The following RAD21L1 variants were observed in gnomAD, a reference collection of about 807,000 sequenced individuals.
The protein encoded by RAD21L1 is double-strand-break repair protein rad21-like protein 1.
In RAD21L1, 47 loss-of-function variants were observed where a neutral mutation model predicts 69.0. That is an observed-to-expected ratio of 0.68 (90% confidence interval 0.54 to 0.87). The LOEUF (loss-of-function observed/expected upper bound fraction) is 0.87, where lower values mean the gene tolerates loss of function less well. Among genes scored for constraint, RAD21L1 ranks in the 40% least tolerant of loss-of-function variants. RAD21L1 has a pLI of 0.00. For synonymous variants in RAD21L1, 177 were observed against 205.8 expected, an observed-to-expected ratio of 0.86 and a Z score of 1.20; for missense variants, 583 against 647.6, an observed-to-expected ratio of 0.90 and a Z score of 1.08.
intron 11 of RAD21L1, among the ~76,000 whole-genome samples, chr20:1,244,659 A>G (rs1488348233): frequency 6.6e-6 from 1 of 152,212 alleles, no homozygotes; most frequent in Non-Finnish European, 1.5e-5. Flanking sequence ...ACTTTTTAAG[A>G]TATAATTTTT....
intron 3 of RAD21L1, 145 bp from the exon 4 acceptor site, chr20:1,231,381 G>A (rs2087387933): frequency 1.6e-6 from 1 of 610,976 alleles, no homozygotes; most frequent in East Asian, 3.0e-5. Flanking sequence ...GCTTTATAGA[G>A]AATGGACTAC....
chr20:1,247,670 A>G (rs990678603), intron 12 of RAD21L1, among the ~76,000 whole-genome samples: 1 of 152,170 alleles, frequency 6.6e-6, no homozygotes, highest in Non-Finnish European at 1.5e-5. Flanking sequence ...TTAGCCTCAC[A>G]TGATTTAAAA....
At chr20:1,229,510 G>T (rs898471107) in intron 2 of RAD21L1, among the ~76,000 whole-genome samples, 1 of 151,996 alleles carries the variant, frequency 6.6e-6, no homozygotes, top group Non-Finnish European at 1.5e-5. Flanking sequence ...GCGAGACTCC[G>T]TCTCCAAAAA....
At chr20:1,237,548 C>T (rs949201707) in intron 5 of RAD21L1, among the ~76,000 whole-genome samples, 4 of 149,768 alleles carry the variant, frequency 2.7e-5, no homozygotes, top group East Asian at 1.9e-4. Context: ...ATCACTGCCT[C>T]CTAGCATATT....
chr20:1,250,220 G>A (rs1228891790), intron 13 of RAD21L1, among the ~76,000 whole-genome samples: 8 of 150,818 alleles, frequency 5.3e-5, no homozygotes, highest in Admixed American at 1.3e-4. Flanking sequence ...ATTCCATGGT[G>A]TATATGTGCC....
Position 1,244,094 on chromosome 20 carries a change from C to G in RAD21L1, c.1232C>G (p.Pro411Arg). 1 of 1,549,422 alleles carries G rather than the reference C, an allele frequency of 6.5e-7. No individual in the cohort carries two copies. The change falls in exon 11 of 14, where the codon CCC (proline) becomes CGC (arginine). Residue 411 changes from proline to arginine, a missense_variant. Transcript: ENST00000683101. ...EPNYQQELSK[P>R]QTWKDVIGGS... ...AATTACCAGCAAGAGTTAAGTAAAC[C>G]CCAAACTTGGAAGGATGTGATTGGT... is the stretch of plus-strand genomic sequence containing the variant.
Position 1,238,043 on chromosome 20 carries a change from G to A in RAD21L1, c.476-1G>A. The A allele has an allele frequency of 1.4e-6, 2 of 1,467,332 alleles. No individual in the cohort carries two copies. The highest frequency in any genetic ancestry group is 1.3e-5 in the South Asian group (1 of 75,956). 90.9% of individuals were successfully genotyped at this position (1,467,332 alleles called of 1,614,324 possible). On this transcript the variant is annotated splice_acceptor_variant, in intron 5 of 13. Coordinates refer to ENST00000683101, the MANE Select transcript of RAD21L1 (RefSeq NM_001384355.1). LOFTEE classifies it high-confidence loss of function. Reference sequence around the variant, plus strand: ...AGTATTAATGATATATATTTATTTAGGGGAGGAATCTGAAATTCTCAGAAG... The same window carrying A: ...AGTATTAATGATATATATTTATTTAAGGGAGGAATCTGAAATTCTCAGAAG...
At chr20:1,252,451 T>C (rs1156581974) in intron 13 of RAD21L1, among the ~76,000 whole-genome samples, 2 of 152,162 alleles carry the variant, frequency 1.3e-5, no homozygotes, top group East Asian at 3.9e-4. Context: ...CTAGGAGATA[T>C]AAGCATGATG....
intron 4 of RAD21L1, among the ~76,000 whole-genome samples, chr20:1,233,253 G>T (rs2087428738): frequency 6.6e-6 from 1 of 152,148 alleles, no homozygotes; most frequent in Non-Finnish European, 1.5e-5. Context: ...CAAGTTGTGA[G>T]TGTATAGATG....
At position 1,254,651 on chromosome 20, in the gene RAD21L1, A is replaced by G. The variant is rs2096303544; in HGVS notation, c.*194A>G. On this transcript the variant is annotated 3_prime_UTR_variant, in exon 14 of 14. Coordinates refer to ENST00000683101, the MANE Select transcript of RAD21L1 (RefSeq NM_001384355.1). ...ACATGCTTACAAAGAAATACTTTAA[A>G]TTCTGTTTTGTTTTTTTTTGTTGTT... 1 of 401,500 alleles carries G rather than the reference A, an allele frequency of 2.5e-6. No homozygotes were observed. The highest frequency in any genetic ancestry group is 4.3e-6 in the Non-Finnish European group (1 of 231,204). 24.9% of individuals were successfully genotyped at this position (401,500 alleles called of 1,614,324 possible).
Position 1,254,209 on chromosome 20 carries a change from G to A in RAD21L1, c.1480-60G>A, listed in dbSNP as rs1042522594. ...TGTTGTTTATTACGCATTTATAGCC[G>A]GCTTTACTTCTAATGATCTTGTTTC... On this transcript the variant is annotated intron_variant, in intron 13 of 13. Coordinates refer to ENST00000683101, the MANE Select transcript of RAD21L1 (RefSeq NM_001384355.1). The A allele has an allele frequency of 1.5e-4, 180 of 1,169,152 alleles. 1 individual carries two copies. Among genetic ancestry groups the A allele is most frequent in the Non-Finnish European group, 4.1e-5 (35 of 860,630 alleles). 72.4% of individuals were successfully genotyped at this position (1,169,152 alleles called of 1,614,324 possible).
At chr20:1,226,985 T>C (rs438005) in intron 1 of RAD21L1, among the ~76,000 whole-genome samples, 12,681 of 152,196 alleles carry the variant, frequency 0.083, 954 homozygotes, top group African/African-American at 0.2. Flanking sequence ...TCGCGGCTCA[T>C]TGCAGCCTCC....
chr20:1,245,775 T>C (rs2087705675), intron 11 of RAD21L1, among the ~76,000 whole-genome samples: 1 of 152,004 alleles, frequency 6.6e-6, no homozygotes, highest in African/African-American at 2.4e-5. Context: ...GATATTAATA[T>C]CCCTTTCCTC....
chr20:1,243,016 C>A lies in RAD21L1; in HGVS notation c.1084-81C>A, dbSNP rs540775998. The A allele has an allele frequency of 2.8e-4, 279 of 1,000,500 alleles. 1 individual carries two copies. In the African/African-American group the frequency reaches 4.2e-3, roughly 15 times the overall value. The allele number at this position is 1,000,500 out of a possible 1,614,324, so 62.0% of individuals were successfully genotyped here. On this transcript the variant is annotated intron_variant, in intron 9 of 13. Coordinates refer to ENST00000683101, the MANE Select transcript of RAD21L1 (RefSeq NM_001384355.1). ...TTGTGTGTATGAATTATAGTTTTTC[C>A]TTTTTAGATATGTGCTTGTGTTTTC... is the stretch of plus-strand genomic sequence containing the variant.
At chr20:1,233,008 C>A (rs567789443) in intron 4 of RAD21L1, among the ~76,000 whole-genome samples, 1 of 152,120 alleles carries the variant, frequency 6.6e-6, no homozygotes, top group East Asian at 1.9e-4. Context: ...AAAAAGACAC[C>A]ATCTATGAGG....
At chr20:1,235,718 C>T (rs1424288917) in intron 5 of RAD21L1, among the ~76,000 whole-genome samples, 1 of 152,000 alleles carries the variant, frequency 6.6e-6, no homozygotes, top group East Asian at 1.9e-4. Context: ...ACTCCCAAGA[C>T]ACTCTTTACA....
At position 1,240,755 on chromosome 20, in the gene RAD21L1, C is replaced by T. The variant is rs1043150328; in HGVS notation, c.856+321C>T. On this transcript the variant is annotated intron_variant, in intron 8 of 13. Coordinates refer to ENST00000683101, the MANE Select transcript of RAD21L1 (RefSeq NM_001384355.1). Reference sequence around the variant, plus strand: ...CTGCCATGGCAACACCGGGAATTCACCCTTTTCCATGGTGATGACCCAATG... The same window carrying T: ...CTGCCATGGCAACACCGGGAATTCATCCTTTTCCATGGTGATGACCCAATG... Among the ~76,000 whole-genome samples the T allele has an allele frequency of 5.9e-5, 9 of 152,280 alleles. No homozygotes were observed. In the East Asian group the frequency reaches 9.6e-4, roughly 16 times the overall value.
At chr20:1,229,347 T>A (rs2087338160) in intron 2 of RAD21L1, among the ~76,000 whole-genome samples, 2 of 152,178 alleles carry the variant, frequency 1.3e-5, no homozygotes, top group Non-Finnish European at 2.9e-5. Context: ...ATTAAATAAA[T>A]TAGTGTATCA....
chr20:1,238,511 A>T (rs1273082879), intron 6 of RAD21L1, among the ~76,000 whole-genome samples: 1 of 152,062 alleles, frequency 6.6e-6, no homozygotes, highest in Non-Finnish European at 1.5e-5. Context: ...TATATTCCTT[A>T]TAAAATATAC....
Sources: allele counts gnomAD v4.1 joint callset (sites outside exome capture counted in the v4.1 genomes callset), GRCh38; gene constraint gnomAD v4.1.1; transcripts MANE v1.5; gene names NCBI Gene and HGNC (gene_info 2026-07-23, HGNC 2026-07-21).